The following TBCE variants were observed in gnomAD, a reference collection of about 807,000 sequenced individuals.
The protein encoded by TBCE is tubulin-specific chaperone E.
A neutral mutation model predicts 77.0 loss-of-function variants in TBCE; 53 were observed. The observed-to-expected ratio is 0.69, with a 90% CI of 0.55 to 0.87. The LOEUF is 0.87. Among genes scored for constraint, TBCE ranks in the 40% least tolerant of loss-of-function variants. The pLI is 0.00. For synonymous variants in TBCE, 235 were observed against 241.3 expected (o/e 0.97, Z 0.24); for missense variants, 624 against 622.4 (o/e 1.00, Z -0.03).
chr1:235,411,250 T>G (rs1679765399), intron 3 of TBCE, among the ~76,000 whole-genome samples: 1 of 152,244 alleles, frequency 6.6e-6, no homozygotes, highest in Non-Finnish European at 1.5e-5. Context: ...GGGACACAGG[T>G]CAGGAACTGT....
Position 235,414,513 on chromosome 1 carries a change from A to G in TBCE, c.266A>G (p.Tyr89Cys), listed in dbSNP as rs1680002209. The G allele has an allele frequency of 1.2e-6, 2 of 1,613,940 alleles. No individual in the cohort carries two copies. Among genetic ancestry groups the G allele is most frequent in the South Asian group, 1.1e-5 (1 of 91,080 alleles). ...TDFLTAIKNR[Y>C]VLEDGPEEDR... ...TTTCTTACTGCAATTAAGAACCGCT[A>G]TGTGTTAGAAGATGGACCAGAGGAA... Residue 89 changes from tyrosine to cysteine, a missense_variant, in exon 4 of 17, where the codon TAT becomes TGT. Coordinates refer to ENST00000642610, the MANE Select transcript of TBCE (RefSeq NM_003193.5).
At chr1:235,408,094 G>C (rs1221861507) in intron 3 of TBCE, among the ~76,000 whole-genome samples, 1 of 152,202 alleles carries the variant, frequency 6.6e-6, no homozygotes. Context: ...AGGTCGTGCT[G>C]TTCCAGCCTG....
At chr1:235,443,987 C>G (rs1019204633) in intron 15 of TBCE, among the ~76,000 whole-genome samples, 3 of 152,086 alleles carry the variant, frequency 2.0e-5, no homozygotes, top group African/African-American at 7.2e-5. Context: ...TAGCTAAATG[C>G]TAAAATATAA....
chr1:235,441,708 G>T (rs770994057), intron 13 of TBCE, 106 bp from the exon 14 acceptor site: 3 of 1,020,258 alleles, frequency 2.9e-6, no homozygotes, highest in Non-Finnish European at 4.5e-6. Context: ...CCTGGGAAAG[G>T]CACAGGCTCT....
At chr1:235,439,260 G>A (rs1681665983) in intron 13 of TBCE, among the ~76,000 whole-genome samples, 2 of 151,524 alleles carry the variant, frequency 1.3e-5, no homozygotes, top group Admixed American at 6.6e-5. Flanking sequence ...GGGAGGCTGA[G>A]GCGGGTGGAT....
Position 235,450,368 on chromosome 1 carries a change from G to C in TBCE, c.*1606G>C, listed in dbSNP as rs763994534. 21 of 1,611,238 alleles carry C rather than the reference G, an allele frequency of 1.3e-5. No homozygotes were observed. Among genetic ancestry groups the C allele is most frequent in the South Asian group, 2.2e-5 (2 of 91,000 alleles). ...GTTGAGAAACAACCAAAGCCGATCTGAGAGTGGTGAAACTGTTTTAAGAGC... is the reference window on the plus strand; with the variant it reads ...GTTGAGAAACAACCAAAGCCGATCTCAGAGTGGTGAAACTGTTTTAAGAGC... On this transcript the variant is annotated 3_prime_UTR_variant, in exon 17 of 17. Transcript: ENST00000642610.
Position 235,392,422 on chromosome 1 carries a change from T to A in TBCE, c.101-9081T>A, listed in dbSNP as rs1357453582. Among the ~76,000 whole-genome samples the A allele has an allele frequency of 2.7e-5, 4 of 149,604 alleles. No individual in the cohort carries two copies. In the East Asian group the frequency reaches 5.8e-4, roughly 22 times the overall value. On this transcript the variant is annotated intron_variant, in intron 2 of 16. Coordinates refer to ENST00000642610, the MANE Select transcript of TBCE (RefSeq NM_003193.5). ...AGAATTTTTTTTTTTTTTTTTTTTT[T>A]TTTTTTAGACAGAGTCTCGCTCTTG...
chr1:235,390,311 T>A (rs1302364628), intron 2 of TBCE, among the ~76,000 whole-genome samples: 2 of 152,172 alleles, frequency 1.3e-5, no homozygotes, highest in East Asian at 1.9e-4. Context: ...CCCAAAGATG[T>A]CCCCAGAACC....
intron 12 of TBCE, 44 bp downstream of exon 12, chr1:235,437,518 T>G (rs1342394302): frequency 3.5e-5 from 56 of 1,609,672 alleles, no homozygotes; most frequent in Non-Finnish European, 4.3e-5. Context: ...GACTAGAAAA[T>G]AAATGATTTT....
chr1:235,419,467 A>C lies in TBCE; in HGVS notation c.372-6A>C, dbSNP rs751430338. On this transcript the variant is annotated splice_region_variant and splice_polypyrimidine_tract_variant and intron_variant, in intron 4 of 16. Transcript: ENST00000642610. ...TGTATCCATGTGAACTCTGTTTTTCATGCAGTCAGCTGAGCAAGTTGCAAG... is the reference window on the plus strand; with the variant it reads ...TGTATCCATGTGAACTCTGTTTTTCCTGCAGTCAGCTGAGCAAGTTGCAAG... 1.2e-6 allele frequency: 2 copies of C among 1,614,076 alleles called. No individual in the cohort carries two copies. The highest frequency in any genetic ancestry group is 2.2e-5 in the South Asian group (2 of 91,082).
At position 235,448,788 on chromosome 1, in the gene TBCE, C is replaced by A. The variant is rs904571818; in HGVS notation, c.*26C>A. The A allele has an allele frequency of 2.0e-6, 3 of 1,484,130 alleles. No homozygotes were observed. Among genetic ancestry groups the A allele is most frequent in the African/African-American group, 2.8e-5 (2 of 72,188 alleles). The allele number at this position is 1,484,130 out of a possible 1,614,324, so 91.9% of individuals were successfully genotyped here. A position where few individuals can be genotyped will look rare whatever the true frequency, so the allele number is the denominator to read the frequency against. ...CAACCAACTAATAAAATTTAAAGAC[C>A]ACACTGCTTATCGTGTCTGGGGTTC... On this transcript the variant is annotated 3_prime_UTR_variant, in exon 17 of 17. Transcript: ENST00000642610.
chr1:235,407,134 C>CT (rs1233356015), intron 3 of TBCE, among the ~76,000 whole-genome samples: 8,379 of 138,540 alleles, frequency 0.06, 484 homozygotes, highest in African/African-American at 0.15. Flanking sequence ...TGGCCCCCGC[C>CT]TTTTTTTTTT....
intron 12 of TBCE, among the ~76,000 whole-genome samples, chr1:235,438,540 T>G: frequency 8.2e-6 from 1 of 121,418 alleles, no homozygotes; most frequent in African/African-American, 3.7e-5. Flanking sequence ...ACAGCGAGAC[T>G]CCATCTCAAA....
chr1:235,377,797 AT>A (rs532135762), intron 1 of TBCE, among the ~76,000 whole-genome samples: 92 of 151,952 alleles, frequency 6.1e-4, no homozygotes, highest in African/African-American at 2.0e-3. Flanking sequence ...GATTACAGGC[AT>A]CGCGCCACCA....
intron 5 of TBCE, among the ~76,000 whole-genome samples, chr1:235,424,512 T>C (rs1680590698): frequency 6.6e-6 from 1 of 151,612 alleles, no homozygotes; most frequent in Non-Finnish European, 1.5e-5. Context: ...GTTTTTTTTT[T>C]TTCTTTTTTT....
intron 3 of TBCE, among the ~76,000 whole-genome samples, chr1:235,411,263 A>G (rs1448157729): frequency 1.3e-5 from 2 of 152,234 alleles, no homozygotes; most frequent in African/African-American, 4.8e-5. Flanking sequence ...GGAACTGTGT[A>G]GACAAGGAGT....
intron 2 of TBCE, among the ~76,000 whole-genome samples, chr1:235,390,316 A>C (rs1420051113): frequency 6.6e-6 from 1 of 152,186 alleles, no homozygotes; most frequent in Admixed American, 6.6e-5. Context: ...AGATGTCCCC[A>C]GAACCTCTGA....
chr1:235,384,987 A>G (rs904356444), intron 2 of TBCE, among the ~76,000 whole-genome samples: 1 of 151,422 alleles, frequency 6.6e-6, no homozygotes, highest in East Asian at 1.9e-4. Context: ...ACTGCTTTGA[A>G]TGTTGTCCCA....
At chr1:235,369,994 C>G (rs371324025) in intron 1 of TBCE, among the ~76,000 whole-genome samples, 47 of 152,284 alleles carry the variant, frequency 3.1e-4, no homozygotes, top group Middle Eastern at 3.4e-3. Flanking sequence ...TTTGCACTTG[C>G]TATTCCTTTC....
Sources: gnomAD v4.1 joint callset for allele counts (sites outside exome capture counted in the v4.1 genomes callset) on GRCh38, gnomAD v4.1.1 for gene constraint, MANE v1.5 for transcripts, NCBI Gene and HGNC (gene_info 2026-07-23, HGNC 2026-07-21) for gene names.